The following SH3GL3 variants were observed in gnomAD, a reference collection of about 807,000 sequenced individuals.
SH3GL3 encodes the protein endophilin-A3.
A neutral mutation model predicts 47.7 loss-of-function variants in SH3GL3; 33 were observed. The ratio of observed to expected loss-of-function variants is 0.69; its 90% confidence interval spans 0.52 to 0.92. The LOEUF is 0.92. Among genes scored for constraint, SH3GL3 ranks in the 40% least tolerant of loss-of-function variants. SH3GL3 has a pLI of 0.00. For missense variants in SH3GL3, 363 were observed against 417.8 expected (o/e 0.87, Z 1.14); for synonymous variants, 155 against 148.8 (o/e 1.04, Z -0.30).
intron 8 of SH3GL3, among the ~76,000 whole-genome samples, chr15:83,596,049 A>G (rs1467796049): frequency 4.6e-5 from 7 of 152,154 alleles, no homozygotes; most frequent in Admixed American, 4.6e-4. Flanking sequence ...GCACCATCTC[A>G]TGCATTTTGA....
chr15:83,566,365 AGTGT>A (rs57323112), intron 3 of SH3GL3, among the ~76,000 whole-genome samples: 21,169 of 135,880 alleles, frequency 0.16, 1,805 homozygotes, highest in East Asian at 0.3. Flanking sequence ...AGAGAGAGAG[AGTGT>A]GTGTGTGTGT....
intron 1 of SH3GL3, among the ~76,000 whole-genome samples, chr15:83,504,535 G>C (rs933286890): frequency 6.6e-6 from 1 of 152,204 alleles, no homozygotes; most frequent in African/African-American, 2.4e-5. Flanking sequence ...AATCACTCTG[G>C]GGGAAGCCAG....
intron 8 of SH3GL3, among the ~76,000 whole-genome samples, chr15:83,611,034 G>T (rs1450635501): frequency 1.3e-5 from 2 of 151,378 alleles, no homozygotes; most frequent in African/African-American, 4.8e-5. Context: ...GTATGTGTGT[G>T]TGTCTATATA....
At chr15:83,541,032 T>A (rs911134462) in intron 1 of SH3GL3, among the ~76,000 whole-genome samples, 4 of 152,168 alleles carry the variant, frequency 2.6e-5, no homozygotes, top group African/African-American at 9.7e-5. Flanking sequence ...AATGAGAACA[T>A]CTGATGTTTG....
At chr15:83,620,282 CA>C (rs200309963), downstream of SH3GL3, among the ~76,000 whole-genome samples, 24 of 152,286 alleles carry the variant, frequency 1.6e-4, no homozygotes, top group East Asian at 4.6e-3. Flanking sequence ...CCATGAATCA[CA>C]AATGTTCTTA....
At chr15:83,525,676 C>G (rs1410898177) in intron 1 of SH3GL3, among the ~76,000 whole-genome samples, 1 of 152,014 alleles carries the variant, frequency 6.6e-6, no homozygotes, top group African/African-American at 2.4e-5. Context: ...AGTCTTAAAT[C>G]TATTTTGAGT....
Position 83,572,624 on chromosome 15 carries a change from C to T in SH3GL3, c.391C>T (p.Leu131Phe). The T allele has an allele frequency of 6.2e-7, 1 of 1,610,488 alleles. No individual in the cohort carries two copies. Among genetic ancestry groups the T allele is most frequent in the Non-Finnish European group, 8.5e-7 (1 of 1,176,706 alleles). The change falls in exon 5 of 9, where the codon CTT (leucine) becomes TTT (phenylalanine). Residue 131 changes from leucine to phenylalanine, a missense_variant. Transcript: ENST00000427482. ...GCTAATGGCTGAGGTGAAAGACTCT[C>T]TTGATATTAATGTAAAGCAAACTTT... ...MKLMAEVKDS[L>F]DINVKQTFID...
chr15:83,571,927 C>T (rs777433536), intron 4 of SH3GL3, among the ~76,000 whole-genome samples: 1 of 152,134 alleles, frequency 6.6e-6, no homozygotes, highest in Non-Finnish European at 1.5e-5. Context: ...ACACTGTAAT[C>T]CAGGAAAAAC....
intron 1 of SH3GL3, among the ~76,000 whole-genome samples, chr15:83,449,533 C>A (rs1697405613): frequency 6.6e-6 from 1 of 152,226 alleles, no homozygotes; most frequent in Admixed American, 6.5e-5. Context: ...ATAAGCAAAT[C>A]TCAGAGATAA....
chr15:83,503,077 T>C (rs2151610854), intron 1 of SH3GL3, among the ~76,000 whole-genome samples: 1 of 152,342 alleles, frequency 6.6e-6, no homozygotes, highest in South Asian at 2.1e-4. Flanking sequence ...TCTTGATTTT[T>C]CTGTTCATTA....
At chr15:83,483,054 A>C (rs776897869) in intron 1 of SH3GL3, among the ~76,000 whole-genome samples, 2 of 152,082 alleles carry the variant, frequency 1.3e-5, no homozygotes, top group Admixed American at 6.5e-5. Context: ...TTATGGTCAT[A>C]CTTACTTTGA....
intron 1 of SH3GL3, among the ~76,000 whole-genome samples, chr15:83,494,757 G>A (rs912785976): frequency 3.9e-5 from 6 of 152,106 alleles, no homozygotes; most frequent in African/African-American, 1.4e-4. Flanking sequence ...TGGCCAGGCT[G>A]GTCTCGAACT....
At chr15:83,527,342 G>C (rs1233465522) in intron 1 of SH3GL3, among the ~76,000 whole-genome samples, 1 of 152,088 alleles carries the variant, frequency 6.6e-6, no homozygotes, top group African/African-American at 2.4e-5. Flanking sequence ...TTGTATTGGA[G>C]TCTAACTCTC....
chr15:83,487,006 C>G lies in SH3GL3; in HGVS notation c.45+39428C>G, dbSNP rs561588219. ...TAAACCTGATAACCTCCCCAAAGCC[C>G]TGCTTCCAAATACAACCACATTAGG... On this transcript the variant is annotated intron_variant, in intron 1 of 8. Transcript: ENST00000427482. Among the ~76,000 whole-genome samples the G allele has an allele frequency of 7.9e-5, 12 of 152,308 alleles. No homozygotes were observed. In the East Asian group the frequency reaches 2.1e-3, roughly 27 times the overall value.
intron 8 of SH3GL3, chr15:83,609,267 C>G (rs2060603915): frequency 2.2e-6 from 1 of 455,924 alleles, no homozygotes; most frequent in Non-Finnish European, 4.4e-6. Flanking sequence ...TCTGATTTCC[C>G]AGCCTACAGC....
chr15:83,530,336 G>A (rs2043612443), intron 1 of SH3GL3, among the ~76,000 whole-genome samples: 1 of 152,122 alleles, frequency 6.6e-6, no homozygotes, highest in South Asian at 2.1e-4. Context: ...TCAATGGTGG[G>A]AATGTGGACT....
At chr15:83,594,998 C>T (rs2562764) in intron 8 of SH3GL3, among the ~76,000 whole-genome samples, 129,626 of 152,204 alleles carry the variant, frequency 0.85, 55,746 homozygotes, top group Non-Finnish European at 0.92. Context: ...TTCCCGTTAC[C>T]GCATATATAC....
At chr15:83,525,418 T>G (rs2043379870) in intron 1 of SH3GL3, among the ~76,000 whole-genome samples, 1 of 151,824 alleles carries the variant, frequency 6.6e-6, no homozygotes, top group Admixed American at 6.6e-5. Flanking sequence ...ATTCTGGATA[T>G]TAGTTTCTTG....
intron 1 of SH3GL3, among the ~76,000 whole-genome samples, chr15:83,505,887 A>C (rs1436727386): frequency 6.6e-6 from 1 of 152,162 alleles, no homozygotes; most frequent in Non-Finnish European, 1.5e-5. Flanking sequence ...TTAAGAAATT[A>C]GTTGTCTTTA....
Sources: allele counts gnomAD v4.1 joint callset (sites outside exome capture counted in the v4.1 genomes callset), GRCh38; gene constraint gnomAD v4.1.1; transcripts MANE v1.5; gene names NCBI Gene and HGNC (gene_info 2026-07-23, HGNC 2026-07-21).